ROPN1: variants seen among roughly 807,000 people sequenced by gnomAD.
The protein encoded by ROPN1 is rhophilin associated tail protein 1.
ROPN1 carries 14 observed loss-of-function variants against 20.5 expected under a neutral mutation model. The ratio of observed to expected loss-of-function variants is 0.68; its 90% CI spans 0.45 to 1.07. The LOEUF (loss-of-function observed/expected upper bound fraction) is 1.07, where lower values mean the gene tolerates loss of function less well. Ranked by LOEUF, ROPN1 falls within the 50% of genes least tolerant of loss-of-function variation. The pLI, the probability that ROPN1 is intolerant of heterozygous loss-of-function variation, is 0.00. For missense variants in ROPN1, 169 were observed against 242.8 expected, an observed-to-expected ratio of 0.70 and a Z score of 2.02; for synonymous variants, 76 against 95.7, an observed-to-expected ratio of 0.79 and a Z score of 1.20.
intron 2 of ROPN1, among the ~76,000 whole-genome samples, chr3:123,978,101 A>G (rs13061620): frequency 0.11 from 17,107 of 152,294 alleles, 1,217 homozygotes; most frequent in Middle Eastern, 0.22. Flanking sequence ...GTCAAGCCAT[A>G]CAATGATGGG....
In ROPN1 at chr3:123,970,175, A is replaced by G; in HGVS notation, c.439T>C (p.Cys147Arg). ...CGGGGCGACCCACCATTATGGTCACATGATAAGACCTCACACACTATCTTG... is the reference window on the plus strand; with the variant it reads ...CGGGGCGACCCACCATTATGGTCACGTGATAAGACCTCACACACTATCTTG... ...TLKIVCEVLSCDHNGGSPRIP... is the reference protein window; with the variant it reads ...TLKIVCEVLSRDHNGGSPRIP... The change falls in exon 5 of 6, where the codon TGT becomes CGT. Residue 147 changes from cysteine (C) to arginine (R), a missense_variant. Cys to Arg is a radical substitution (Grantham distance 180). Transcript: ENST00000405845. 1.2e-6 allele frequency: 2 copies of G among 1,614,128 alleles called. No individual in the cohort carries two copies. The highest frequency in any genetic ancestry group is 1.7e-5 in the Admixed American group (1 of 60,030).
In ROPN1 at chr3:123,977,044, G is replaced by A. The variant is rs181276471; in HGVS notation, c.117-63C>T. The A allele has an allele frequency of 2.7e-6, 4 of 1,486,732 alleles. No homozygotes were observed. In the East Asian group the frequency reaches 9.5e-5, roughly 35 times the overall value. 92.1% of individuals were successfully genotyped at this position (1,486,732 alleles called of 1,614,324 possible). On this transcript the variant is annotated intron_variant, in intron 2 of 5. Coordinates refer to ENST00000405845, the MANE Select transcript of ROPN1 (RefSeq NM_001317774.2). ...ACACCAGTGGCCTCTGGCTGTTCTA[G>A]CAATCCTTCCACCTTCTTCTGAGGG...
At chr3:123,969,724 T>C (rs2037876838) in intron 5 of ROPN1, among the ~76,000 whole-genome samples, 1 of 152,218 alleles carries the variant, frequency 6.6e-6, no homozygotes, top group Non-Finnish European at 1.5e-5. Flanking sequence ...AATACACAGA[T>C]TCCTGGGCTC....
chr3:123,989,019 C>T (rs948860714), intron 1 of ROPN1, among the ~76,000 whole-genome samples: 1 of 152,064 alleles, frequency 6.6e-6, no homozygotes, highest in African/African-American at 2.4e-5. Flanking sequence ...GATATCTGAA[C>T]TGAGACTTGG....
At chr3:123,975,022 T>C (rs1216179257) in intron 4 of ROPN1, 53 of 369,560 alleles carry the variant, frequency 1.4e-4, no homozygotes, top group Admixed American at 1.4e-3. Context: ...TGATATATAT[T>C]CTAGGTGTCT....
intron 3 of ROPN1, 32 bp from the exon 4 acceptor site, chr3:123,975,572 G>A: frequency 3.3e-6 from 2 of 599,270 alleles, no homozygotes; most frequent in Non-Finnish European, 5.8e-6. Flanking sequence ...CAACACAGAG[G>A]TTGTGGGAGA....
At chr3:123,970,464 T>A (rs756927264) in intron 4 of ROPN1, among the ~76,000 whole-genome samples, 13 of 152,228 alleles carry the variant, frequency 8.5e-5, no homozygotes, top group Non-Finnish European at 1.8e-4. Flanking sequence ...ATTAAATTTA[T>A]ACATTCCTAA....
At chr3:123,986,885 A>G (rs759535863) in intron 1 of ROPN1, among the ~76,000 whole-genome samples, 9 of 152,218 alleles carry the variant, frequency 5.9e-5, no homozygotes, top group Non-Finnish European at 1.3e-4. Context: ...GTGGACCCCC[A>G]AGGCACCTGA....
intron 2 of ROPN1, chr3:123,980,156 C>A (rs1427184532): frequency 1.8e-5 from 11 of 599,496 alleles, no homozygotes; most frequent in Non-Finnish European, 3.3e-5. Flanking sequence ...CTCAATCTGG[C>A]TCCCTTAGGG....
intron 1 of ROPN1, among the ~76,000 whole-genome samples, chr3:123,984,598 T>C (rs770621948): frequency 3.9e-5 from 6 of 152,314 alleles, no homozygotes; most frequent in Middle Eastern, 3.4e-3. Flanking sequence ...CCAAGTTGCT[T>C]TTTATAGTCA....
At chr3:123,970,291 A>G (rs1353480215) in intron 4 of ROPN1, 74 bp from the exon 5 acceptor site, 18 of 1,327,350 alleles carry the variant, frequency 1.4e-5, no homozygotes, top group Non-Finnish European at 1.8e-5. Context: ...TAGATACAAG[A>G]AAGAAAACAA....
rs138364183 is a variant in ROPN1, at chr3:123,980,438, G to T, written c.44C>A (p.Pro15Gln). ...DKPTCIPPELPKMLKEFAKAA... is the reference protein window; with the variant it reads ...DKPTCIPPELQKMLKEFAKAA... ...TTTGGCAAACTCCTTCAGCATCTTC[G>T]GCAGCTCCGGCGGGATGCATGTTGG... The change falls in exon 2 of 6, where the codon CCG becomes CAG. Residue 15 changes from proline to glutamine, a missense_variant. By Grantham distance (76) the Pro-to-Gln change is moderately conservative (BLOSUM62 -1). Around this residue, in one of 3 missense-constraint regions of ROPN1, gnomAD observed 84 missense variants for 99.3 expected, o/e 0.85. Transcript: ENST00000405845. The T allele has an allele frequency of 1.9e-6, 3 of 1,613,984 alleles. No individual in the cohort carries two copies. Among genetic ancestry groups the T allele is most frequent in the Non-Finnish European group, 8.5e-7 (1 of 1,180,024 alleles).
chr3:123,982,698 C>T (rs1167759598), intron 1 of ROPN1, among the ~76,000 whole-genome samples: 2 of 152,174 alleles, frequency 1.3e-5, no homozygotes, highest in South Asian at 4.1e-4. Flanking sequence ...CTCATGTTGT[C>T]TGCACATATA....
intron 1 of ROPN1, among the ~76,000 whole-genome samples, chr3:123,987,929 A>C (rs2038303710): frequency 1.3e-5 from 2 of 152,168 alleles, no homozygotes; most frequent in Non-Finnish European, 2.9e-5. Flanking sequence ...CCTCGTGTTC[A>C]TTCGCATCAT....
intron 5 of ROPN1, 111 bp from the exon 6 acceptor site, chr3:123,969,332 CT>C: frequency 1.0e-6 from 1 of 969,226 alleles, no homozygotes; most frequent in Non-Finnish European, 1.6e-6. Flanking sequence ...TCCTTTTTCT[CT>C]TTTTTTGTTT....
intron 1 of ROPN1, among the ~76,000 whole-genome samples, chr3:123,982,622 C>T (rs2038173734): frequency 6.6e-6 from 1 of 152,100 alleles, no homozygotes; most frequent in Admixed American, 6.6e-5. Context: ...TAAAAAGTTA[C>T]TCTTATAAGT....
chr3:123,980,461 T>C lies in ROPN1; in HGVS notation c.21A>G (p.Pro7=), dbSNP rs138664879. 194 of 1,614,174 alleles carry C rather than the reference T, an allele frequency of 1.2e-4. No homozygotes were observed. In the African/African-American group the frequency reaches 1.9e-3, roughly 16 times the overall value. The change falls in exon 2 of 6, where the codon CCA becomes CCG. Residue 7 remains proline, a synonymous_variant. Coordinates refer to ENST00000405845, the MANE Select transcript of ROPN1 (RefSeq NM_001317774.2). The part of the protein sequence containing the change: MAQTDK[P]TCIPPELPKM... ...TCGGCAGCTCCGGCGGGATGCATGTTGGCTTATCTGTCTGAGCCATTGATT... is the reference window on the plus strand; with the variant it reads ...TCGGCAGCTCCGGCGGGATGCATGTCGGCTTATCTGTCTGAGCCATTGATT...
At chr3:123,979,264 A>G in intron 2 of ROPN1, 2 of 353,310 alleles carry the variant, frequency 5.7e-6, no homozygotes, top group Non-Finnish European at 1.1e-5. Context: ...CTTAGATGCC[A>G]TTTTGTGTCT....
intron 2 of ROPN1, 120 bp downstream of exon 2, chr3:123,980,246 C>T (rs2038109381): frequency 1.2e-6 from 1 of 864,552 alleles, no homozygotes; most frequent in Non-Finnish European, 1.9e-6. Flanking sequence ...AGAGCTAAAA[C>T]AAAGACGATG....
Sources: gnomAD v4.1 joint callset for allele counts (sites outside exome capture counted in the v4.1 genomes callset) on GRCh38, gnomAD v4.1.1 for gene constraint, gnomAD v4.1.1 regional missense constraint, MANE v1.5 for transcripts, NCBI Gene and HGNC (gene_info 2026-07-23, HGNC 2026-07-21) for gene names.